Variants in NBEAL1 observed in about 807,000 individuals in gnomAD.
The protein encoded by NBEAL1 is neurobeachin-like protein 1.
NBEAL1 carries 273 observed loss-of-function variants against 351.3 expected under a neutral mutation model. The observed-to-expected ratio is 0.78, with a 90% CI of 0.70 to 0.86. The LOEUF is 0.86. Ranked by LOEUF, NBEAL1 falls within the 40% of genes least tolerant of loss-of-function variation. The pLI, the probability that NBEAL1 is intolerant of heterozygous loss-of-function variation, is 0.00. For synonymous variants in NBEAL1, 1,050 were observed against 1,086.4 expected (o/e 0.97, Z 0.66); for missense variants, 2,961 against 3,201.3 (o/e 0.92, Z 1.81).
At chr2:203,177,973 C>A (rs1241844689) in intron 42 of NBEAL1, among the ~76,000 whole-genome samples, 1 of 151,046 alleles carries the variant, frequency 6.6e-6, no homozygotes, top group Non-Finnish European at 1.5e-5. Context: ...GAGCCAAGAT[C>A]ATGTCACTGC....
rs771627875 is a variant in NBEAL1, at chr2:203,201,724, T to C, written c.7411+9T>C. The stretch of plus-strand genomic sequence containing the variant: ...CATCATCCGGCATATGGGTAAGCAT[T>C]AGCTTTTTTTCCAAAAATGCTCAAA... On this transcript the variant is annotated intron_variant, in intron 50 of 55. Coordinates refer to ENST00000683969, the MANE Select transcript of NBEAL1 (RefSeq NM_001378026.1). The C allele has an allele frequency of 4.5e-6, 7 of 1,556,594 alleles. No individual in the cohort carries two copies. Among genetic ancestry groups the C allele is most frequent in the Non-Finnish European group, 6.1e-6 (7 of 1,150,348 alleles).
In NBEAL1 at chr2:203,224,276, A is replaced by T. The variant is rs182592839; in HGVS notation, c.*6922A>T. Among the ~76,000 whole-genome samples the T allele has an allele frequency of 6.7e-4, 102 of 152,164 alleles. No individual in the cohort carries two copies. Among genetic ancestry groups the T allele is most frequent in the Non-Finnish European group, 1.4e-3 (96 of 67,926 alleles). Reference sequence around the variant, plus strand: ...CTTATTTTATAAGTAGCTTTATATAAGAAAACTTCTTAGAAAACTATGTGG... The same window carrying T: ...CTTATTTTATAAGTAGCTTTATATATGAAAACTTCTTAGAAAACTATGTGG... On this transcript the variant is annotated 3_prime_UTR_variant, in exon 56 of 56. Transcript: ENST00000683969.
chr2:203,035,058 C>T (rs2061019986), intron 2 of NBEAL1, among the ~76,000 whole-genome samples: 1 of 148,948 alleles, frequency 6.7e-6, no homozygotes, highest in South Asian at 2.1e-4. Context: ...AAGCATTCCC[C>T]CTATTCTTAG....
chr2:203,084,041 TGTTG>T (rs1178469235), intron 9 of NBEAL1, among the ~76,000 whole-genome samples: 22 of 151,372 alleles, frequency 1.5e-4, no homozygotes, highest in Non-Finnish European at 2.8e-4. Context: ...CTTCTCTTTG[TGTTG>T]GTTGTTTTGT....
At chr2:203,151,100 G>T (rs2063638683) in intron 34 of NBEAL1, among the ~76,000 whole-genome samples, 1 of 152,202 alleles carries the variant, frequency 6.6e-6, no homozygotes, top group South Asian at 2.1e-4. Context: ...GGGAGGCCAA[G>T]GCGGGAAAAT....
chr2:203,026,150 A>G (rs1449858381), intron 2 of NBEAL1, among the ~76,000 whole-genome samples: 1 of 152,186 alleles, frequency 6.6e-6, no homozygotes, highest in East Asian at 1.9e-4. Context: ...CAGGAAAAAG[A>G]TTAGGTTTTC....
intron 2 of NBEAL1, among the ~76,000 whole-genome samples, chr2:203,036,780 C>G (rs2061046965): frequency 6.7e-6 from 1 of 148,962 alleles, no homozygotes. Context: ...GGTAGCCAGA[C>G]CTTTAGAATT....
intron 50 of NBEAL1, 59 bp from the exon 51 acceptor site, chr2:203,202,628 T>G: frequency 1.0e-6 from 1 of 977,848 alleles, no homozygotes; most frequent in Non-Finnish European, 1.7e-6. Flanking sequence ...AAAATTGCTC[T>G]TAAAGTTCTA....
At chr2:203,211,182 C>T in intron 54 of NBEAL1, 76 bp downstream of exon 54, 1 of 1,097,432 alleles carries the variant, frequency 9.1e-7, no homozygotes, top group East Asian at 2.8e-5. Context: ...AATCAGGAAT[C>T]TAAGATTTTT....
chr2:203,110,315 G>C (rs752774685), intron 15 of NBEAL1, 33 bp downstream of exon 15: 1 of 1,532,882 alleles, frequency 6.5e-7, no homozygotes, highest in African/African-American at 1.4e-5. Context: ...TTAACTTCTA[G>C]TATGGTTAAT....
chr2:203,211,522 C>T (rs2065789387), intron 54 of NBEAL1, among the ~76,000 whole-genome samples: 1 of 152,038 alleles, frequency 6.6e-6, no homozygotes, highest in South Asian at 2.1e-4. Context: ...TAGCATGTTC[C>T]TGTGTTCCCA....
intron 35 of NBEAL1, among the ~76,000 whole-genome samples, chr2:203,154,255 A>T (rs1057422578): frequency 6.6e-6 from 1 of 151,094 alleles, no homozygotes; most frequent in African/African-American, 2.4e-5. Flanking sequence ...AAAAAAAATT[A>T]CTCCAAGTGT....
At position 203,213,964 on chromosome 2, in the gene NBEAL1, A is replaced by T. The variant is rs1490913444; in HGVS notation, c.8070+311A>T. 13 of 182,918 alleles carry T rather than the reference A, an allele frequency of 7.1e-5. No homozygotes were observed. The Admixed American group carries it at 8.5e-4, about 12-fold the overall frequency. The allele number at this position is 182,918 out of a possible 1,614,324, so 11.3% of individuals were successfully genotyped here. A position where few individuals can be genotyped will look rare whatever the true frequency, so the allele number is the denominator to read the frequency against. ...ACATAAGAGCCTTTGCAAAAGAATA[A>T]AATATAGGCTCAAACAATAAAACTA... is the stretch of plus-strand genomic sequence containing the variant. On this transcript the variant is annotated intron_variant, in intron 55 of 55. Transcript: ENST00000683969.
intron 36 of NBEAL1, among the ~76,000 whole-genome samples, chr2:203,159,518 G>A (rs1452651552): frequency 2.0e-5 from 3 of 152,054 alleles, no homozygotes; most frequent in African/African-American, 7.2e-5. Context: ...TCGTGTCATA[G>A]CATATGAGAG....
chr2:203,062,206 A>G lies in NBEAL1; in HGVS notation c.515+4753A>G, dbSNP rs2061510086. ...TTTACCTTCACACAGTCTCTCTACC[A>G]TATGACTTACATTTCTCCCATATTT... On this transcript the variant is annotated intron_variant, in intron 6 of 55. Transcript: ENST00000683969. This position sits in a 1 kb window ranked among gnomAD's most constrained non-coding sequence, Gnocchi z 4.2. The G allele has an allele frequency of 2.2e-6, 1 of 455,198 alleles. No homozygotes were observed. The highest frequency in any genetic ancestry group is 2.0e-5 in the African/African-American group (1 of 49,998). The allele number at this position is 455,198 out of a possible 1,614,324, so 28.2% of individuals were successfully genotyped here.
chr2:203,169,089 A>G (rs1163727333), intron 38 of NBEAL1, among the ~76,000 whole-genome samples: 2 of 152,124 alleles, frequency 1.3e-5, no homozygotes, highest in African/African-American at 4.8e-5. Context: ...AGTATACTTG[A>G]GCAAGTTTTC....
intron 27 of NBEAL1, among the ~76,000 whole-genome samples, chr2:203,134,644 C>T (rs2063156113): frequency 1.3e-5 from 2 of 152,134 alleles, no homozygotes. Context: ...ATAAAATTGT[C>T]TTAAAAGATC....
chr2:203,148,989 A>G lies in NBEAL1; in HGVS notation c.5305-2A>G, dbSNP rs2063579051. ...GACCTTACTTTTTATTGTTTCTTTC[A>G]GGAGCTGTTTGTGGAGCCATTTAAT... is the stretch of plus-strand genomic sequence containing the variant. On this transcript the variant is annotated splice_acceptor_variant, in intron 33 of 55. Transcript: ENST00000683969. LOFTEE classifies it high-confidence loss of function. 6.2e-7 allele frequency: 1 copy of G among 1,603,954 alleles called. No individual in the cohort carries two copies. Among genetic ancestry groups the G allele is most frequent in the Non-Finnish European group, 8.5e-7 (1 of 1,174,718 alleles).
At chr2:203,123,696 T>A (rs536125955) in intron 19 of NBEAL1, among the ~76,000 whole-genome samples, 1 of 152,324 alleles carries the variant, frequency 6.6e-6, no homozygotes, top group South Asian at 2.1e-4. Flanking sequence ...CTTCATAAGT[T>A]AACTTTTGCT....
Sources: gnomAD v4.1 joint callset for allele counts (sites outside exome capture counted in the v4.1 genomes callset) on GRCh38, gnomAD v4.1.1 for gene constraint, Gnocchi (gnomAD v3.1) non-coding constraint, MANE v1.5 for transcripts, NCBI Gene and HGNC (gene_info 2026-07-23, HGNC 2026-07-21) for gene names.